SLC9A9: variants seen among roughly 807,000 people sequenced by gnomAD.
SLC9A9 encodes solute carrier family 9 member A9.
Under a neutral mutation model 77.8 loss-of-function variants are expected in SLC9A9, and 62 were observed. The observed-to-expected ratio is 0.80, with a 90% confidence interval of 0.65 to 0.98. The LOEUF is 0.98. SLC9A9 is among the 50% of genes least tolerant of loss of function. SLC9A9 has a pLI of 0.00. For missense variants in SLC9A9, 775 were observed against 774.9 expected (o/e 1.00, Z 0.00); for synonymous variants, 320 against 283.5 (o/e 1.13, Z -1.29).
chr3:143,315,731 C>G (rs2031188315), intron 14 of SLC9A9, among the ~76,000 whole-genome samples: 1 of 152,184 alleles, frequency 6.6e-6, no homozygotes, highest in Non-Finnish European at 1.5e-5. Flanking sequence ...TTTACATTAT[C>G]TTCTTTAATT....
intron 11 of SLC9A9, among the ~76,000 whole-genome samples, chr3:143,490,107 A>G (rs2035714111): frequency 6.6e-6 from 1 of 152,174 alleles, no homozygotes. Flanking sequence ...AAAACACAGT[A>G]TGGCAGCTTC....
intron 5 of SLC9A9, among the ~76,000 whole-genome samples, chr3:143,657,179 G>T (rs2038904529): frequency 6.6e-6 from 1 of 152,132 alleles, no homozygotes; most frequent in Non-Finnish European, 1.5e-5. Flanking sequence ...CAAGTGAAAA[G>T]ACTAACCCTT....
chr3:143,380,366 TAGA>T (rs1431515313), intron 13 of SLC9A9, among the ~76,000 whole-genome samples: 7 of 151,822 alleles, frequency 4.6e-5, no homozygotes, highest in African/African-American at 1.2e-4. Flanking sequence ...ATTAGGCAGT[TAGA>T]AGAAGACAGA....
chr3:143,581,095 T>C (rs912201112), intron 6 of SLC9A9, among the ~76,000 whole-genome samples: 6 of 152,176 alleles, frequency 3.9e-5, no homozygotes, highest in African/African-American at 1.4e-4. Flanking sequence ...ATACACAACA[T>C]TTAACGGTAC....
intron 12 of SLC9A9, among the ~76,000 whole-genome samples, chr3:143,452,549 T>C (rs1047615042): frequency 6.6e-6 from 1 of 150,920 alleles, no homozygotes; most frequent in Non-Finnish European, 1.5e-5. Flanking sequence ...ATTATCTTGA[T>C]TGGATCCTGA....
At chr3:143,469,970 C>T (rs767591463) in intron 11 of SLC9A9, among the ~76,000 whole-genome samples, 3 of 152,110 alleles carry the variant, frequency 2.0e-5, no homozygotes, top group Non-Finnish European at 4.4e-5. Context: ...CATTCATACC[C>T]AGCTGGGGAT....
intron 6 of SLC9A9, among the ~76,000 whole-genome samples, chr3:143,644,229 A>T (rs1359734738): frequency 6.6e-6 from 1 of 152,250 alleles, no homozygotes; most frequent in Non-Finnish European, 1.5e-5. Flanking sequence ...TATCACTTTC[A>T]TCACTTGCAT....
intron 14 of SLC9A9, among the ~76,000 whole-genome samples, chr3:143,282,338 C>CCACCA (rs1938245499): frequency 6.6e-6 from 1 of 152,198 alleles, no homozygotes; most frequent in South Asian, 2.1e-4. Context: ...ATTGAGTTTC[C>CCACCA]AATACCCACC....
At chr3:143,349,764 G>A (rs545842454) in intron 14 of SLC9A9, among the ~76,000 whole-genome samples, 30 of 152,250 alleles carry the variant, frequency 2.0e-4, no homozygotes, top group South Asian at 1.4e-3. Context: ...TTAACCTGGC[G>A]GTTAACTTAA....
intron 9 of SLC9A9, among the ~76,000 whole-genome samples, chr3:143,537,611 T>C (rs1412494127): frequency 6.6e-6 from 1 of 152,266 alleles, no homozygotes; most frequent in East Asian, 1.9e-4. Context: ...ACTTCATTTT[T>C]ATGTGTTCAG....
chr3:143,831,032 CAATTATTATA>C (rs1176251365), intron 2 of SLC9A9, among the ~76,000 whole-genome samples: 2 of 151,798 alleles, frequency 1.3e-5, no homozygotes, highest in African/African-American at 4.8e-5. Flanking sequence ...AATATGAAAA[CAATTATTATA>C]AATTAGTCAT....
intron 14 of SLC9A9, among the ~76,000 whole-genome samples, chr3:143,276,547 T>G (rs900575646): frequency 2.6e-5 from 4 of 152,238 alleles, no homozygotes; most frequent in Non-Finnish European, 4.4e-5. Context: ...TCTATCTTTG[T>G]TGATTAGTAA....
intron 11 of SLC9A9, among the ~76,000 whole-genome samples, chr3:143,484,069 ACT>A (rs2035616514): frequency 6.6e-6 from 1 of 152,020 alleles, no homozygotes; most frequent in African/African-American, 2.4e-5. Flanking sequence ...TCTCCAAAGA[ACT>A]CTTTGCAAAA....
rs540620876 is a variant in SLC9A9, at chr3:143,620,842, G to A, written c.755+31413C>T. On this transcript the variant is annotated intron_variant, in intron 6 of 15. Transcript: ENST00000316549. ...CATTGTCTCACCCAGGAAGTACAAG[G>A]GGTCAGGGAATTCCCTTTCCTAGTC... 4.7e-3 allele frequency among the ~76,000 whole-genome samples: 709 copies of A among 152,296 alleles called. 3 individuals are homozygous for A. The highest frequency in any genetic ancestry group is 0.016 in the African/African-American group (656 of 41,556).
In SLC9A9 at chr3:143,491,395, C is replaced by A. The variant is rs540049246; in HGVS notation, c.1315+2258G>T. On this transcript the variant is annotated intron_variant, in intron 11 of 15. Coordinates refer to ENST00000316549, the MANE Select transcript of SLC9A9 (RefSeq NM_173653.4). ...ATATGATTATATATAGTTCACAACT[C>A]TGCCACTGTAGTGCAAAAACAGCCG... Among the ~76,000 whole-genome samples, 11 of 152,236 alleles carry A rather than the reference C, an allele frequency of 7.2e-5. No homozygotes were observed. The East Asian group carries it at 2.1e-3, about 29-fold the overall frequency.
At chr3:143,298,945 C>G (rs1222474890) in intron 14 of SLC9A9, among the ~76,000 whole-genome samples, 4 of 152,188 alleles carry the variant, frequency 2.6e-5, no homozygotes, top group Non-Finnish European at 4.4e-5. Context: ...CAAGTCATTT[C>G]ATCTTCCTGG....
intron 12 of SLC9A9, among the ~76,000 whole-genome samples, chr3:143,434,644 T>TC (rs927483703): frequency 2.6e-5 from 4 of 151,786 alleles, no homozygotes; most frequent in African/African-American, 7.3e-5. Context: ...CTCCGGCCCA[T>TC]CCCCCCCATC....
intron 4 of SLC9A9, among the ~76,000 whole-genome samples, chr3:143,715,141 A>G (rs935399265): frequency 1.3e-5 from 2 of 152,102 alleles, no homozygotes; most frequent in African/African-American, 4.8e-5. Flanking sequence ...TAAATTGCCC[A>G]GTCTTGGCTA....
At chr3:143,307,270 G>A (rs74825069) in intron 14 of SLC9A9, among the ~76,000 whole-genome samples, 3,508 of 152,296 alleles carry the variant, frequency 0.023, 56 homozygotes, top group Non-Finnish European at 0.033. Flanking sequence ...TCTCCAAATA[G>A]ATGGTTGTTA....
Sources: gnomAD v4.1 joint callset for allele counts (sites outside exome capture counted in the v4.1 genomes callset) on GRCh38, gnomAD v4.1.1 for gene constraint, MANE v1.5 for transcripts, NCBI Gene and HGNC (gene_info 2026-07-23, HGNC 2026-07-21) for gene names.